GLCCI1: variants seen among roughly 807,000 people sequenced by gnomAD.
GLCCI1 encodes the protein glucocorticoid induced 1.
A neutral mutation model predicts 52.2 loss-of-function variants in GLCCI1; 24 were observed. The observed-to-expected ratio is 0.46, with a 90% CI of 0.33 to 0.65. The LOEUF is 0.65. Ranked by LOEUF, GLCCI1 falls within the 30% of genes least tolerant of loss-of-function variation. The pLI, the probability that GLCCI1 is intolerant of heterozygous loss-of-function variation, is 0.02. For synonymous variants in GLCCI1, 310 were observed against 276.5 expected (o/e 1.12, Z -1.20); for missense variants, 704 against 701.5 (o/e 1.00, Z -0.04).
chr7:8,029,889 A>C (rs1321916681), intron 3 of GLCCI1, among the ~76,000 whole-genome samples: 1 of 152,196 alleles, frequency 6.6e-6, no homozygotes, highest in Non-Finnish European at 1.5e-5. Flanking sequence ...CACTGATGAA[A>C]GAAATTGAAG....
At chr7:7,992,808 G>C (rs111474683) in intron 1 of GLCCI1, among the ~76,000 whole-genome samples, 8 of 151,304 alleles carry the variant, frequency 5.3e-5, no homozygotes, top group Non-Finnish European at 7.4e-5. Context: ...TCCTATTTCT[G>C]TTAAGGCATT....
intron 6 of GLCCI1, among the ~76,000 whole-genome samples, chr7:8,072,997 A>G (rs1782796767): frequency 1.3e-5 from 2 of 152,170 alleles, no homozygotes; most frequent in African/African-American, 4.8e-5. Flanking sequence ...CATAAGTTTC[A>G]AACAGTGCAT....
intron 6 of GLCCI1, among the ~76,000 whole-genome samples, chr7:8,082,559 C>G (rs998992351): frequency 2.0e-5 from 3 of 152,046 alleles, no homozygotes; most frequent in African/African-American, 7.2e-5. Context: ...TTCTTACAAG[C>G]TTTGCCTTTC....
At chr7:7,975,539 A>G (rs755307569) in intron 1 of GLCCI1, among the ~76,000 whole-genome samples, 6 of 152,218 alleles carry the variant, frequency 3.9e-5, no homozygotes, top group Non-Finnish European at 7.4e-5. Flanking sequence ...TCCTAACTCA[A>G]AAAGACTCTA....
chr7:8,011,904 C>T (rs896668704), intron 2 of GLCCI1, among the ~76,000 whole-genome samples: 1 of 151,940 alleles, frequency 6.6e-6, no homozygotes. Context: ...CAAGCTCTGC[C>T]TCCCGGGTTC....
intron 3 of GLCCI1, among the ~76,000 whole-genome samples, chr7:8,025,692 CAA>C (rs773955328): frequency 2.6e-5 from 4 of 151,996 alleles, no homozygotes; most frequent in Non-Finnish European, 4.4e-5. Flanking sequence ...TAGGAAAACA[CAA>C]AGAGAGCCAT....
chr7:8,078,004 G>A (rs939727215), intron 6 of GLCCI1, among the ~76,000 whole-genome samples: 1 of 152,078 alleles, frequency 6.6e-6, no homozygotes, highest in Non-Finnish European at 1.5e-5. Flanking sequence ...GGAGGCCAAG[G>A]CAGGCGGATA....
chr7:8,006,483 T>G (rs1781152505), intron 2 of GLCCI1, among the ~76,000 whole-genome samples: 1 of 152,168 alleles, frequency 6.6e-6, no homozygotes, highest in East Asian at 1.9e-4. Flanking sequence ...TATTACTGTG[T>G]GATTAAGTAT....
intron 3 of GLCCI1, among the ~76,000 whole-genome samples, chr7:8,040,556 A>G (rs887554986): frequency 1.3e-5 from 2 of 150,618 alleles, no homozygotes; most frequent in Non-Finnish European, 2.9e-5. Context: ...ACACACACAC[A>G]CACACCAATG....
At chr7:8,046,048 G>A (rs1429806985) in intron 3 of GLCCI1, among the ~76,000 whole-genome samples, 2 of 152,016 alleles carry the variant, frequency 1.3e-5, no homozygotes, top group Admixed American at 1.3e-4. Flanking sequence ...AGAACAGGTG[G>A]AATGAAAAGG....
chr7:7,981,888 TCA>T, intron 1 of GLCCI1: 1 of 464,562 alleles, frequency 2.2e-6, no homozygotes, highest in South Asian at 1.5e-5. Flanking sequence ...GTCAAGTCAC[TCA>T]CACACAAGTA....
At chr7:7,986,177 C>T (rs1780725035) in intron 1 of GLCCI1, among the ~76,000 whole-genome samples, 1 of 152,142 alleles carries the variant, frequency 6.6e-6, no homozygotes. Context: ...ATCATACTCT[C>T]TTAGTACAGG....
In GLCCI1 at chr7:7,969,313, C is replaced by A. The variant is rs1259346493; in HGVS notation, c.-38C>A. 5.7e-6 allele frequency: 8 copies of A among 1,403,350 alleles called. No individual in the cohort carries two copies. Among genetic ancestry groups the A allele is most frequent in the Middle Eastern group, 2.4e-4 (1 of 4,166 alleles). The allele number at this position is 1,403,350 out of a possible 1,614,324, so 86.9% of individuals were successfully genotyped here. A position where few individuals can be genotyped will look rare whatever the true frequency, so the allele number is the denominator to read the frequency against. ...TCGCGCGCCTCCCGCCCCGCGCCTCCGTGTCGGCCGGCGGCGTCCAGGGCC... is the reference window on the plus strand; with the variant it reads ...TCGCGCGCCTCCCGCCCCGCGCCTCAGTGTCGGCCGGCGGCGTCCAGGGCC... On this transcript the variant is annotated 5_prime_UTR_variant, in exon 1 of 8. Coordinates refer to ENST00000223145, the MANE Select transcript of GLCCI1 (RefSeq NM_138426.4). The surrounding 1 kb of genome is among the most constrained non-coding windows in gnomAD (Gnocchi z 4.9).
intron 3 of GLCCI1, among the ~76,000 whole-genome samples, chr7:8,034,871 C>G (rs142712859): frequency 3.2e-4 from 49 of 152,300 alleles, no homozygotes; most frequent in East Asian, 3.1e-3. Context: ...CCTTATGAAC[C>G]CAAACACTGG....
At chr7:8,061,657 CTTTTTTTTTTTT>C (rs61377819) in intron 5 of GLCCI1, among the ~76,000 whole-genome samples, 7 of 78,380 alleles carry the variant, frequency 8.9e-5, no homozygotes, top group African/African-American at 3.9e-4. Flanking sequence ...CCATTGAACT[CTTTTTTTTTTTT>C]TTTTTTTTTT....
In GLCCI1 at chr7:8,086,682, G is replaced by C. The variant is rs1012408847; in HGVS notation, c.*144G>C. The C allele has an allele frequency of 2.1e-5, 15 of 699,712 alleles. No individual in the cohort carries two copies. In the African/African-American group the frequency reaches 2.3e-4, roughly 11 times the overall value. 43.3% of individuals were successfully genotyped at this position (699,712 alleles called of 1,614,324 possible). A position where few individuals can be genotyped will look rare whatever the true frequency, so the allele number is the denominator to read the frequency against. On this transcript the variant is annotated 3_prime_UTR_variant, in exon 8 of 8. Transcript: ENST00000223145. This position sits in a 1 kb window ranked among gnomAD's most constrained non-coding sequence, Gnocchi z 4.4. ...AAAGTATCTCTTAAACACTGATCTT[G>C]GCAGGGACGGAACTCCTATTCAGCA...
intron 1 of GLCCI1, among the ~76,000 whole-genome samples, chr7:8,002,246 A>G (rs1781063981): frequency 6.6e-6 from 1 of 151,048 alleles, no homozygotes; most frequent in Non-Finnish European, 1.5e-5. Context: ...TGTAACAGAT[A>G]AAACTGATAA....
intron 1 of GLCCI1, chr7:7,981,382 G>T (rs896082195): frequency 8.9e-6 from 2 of 224,576 alleles, no homozygotes; most frequent in Non-Finnish European, 1.7e-5. Flanking sequence ...GAGTGCAGTG[G>T]CACGATCTCG....
intron 1 of GLCCI1, among the ~76,000 whole-genome samples, chr7:7,994,178 T>C (rs1426751739): frequency 6.6e-6 from 1 of 152,138 alleles, no homozygotes; most frequent in East Asian, 1.9e-4. Context: ...CACTTGAATC[T>C]GGGAGGCAGA....
Sources: gnomAD v4.1 joint callset for allele counts (sites outside exome capture counted in the v4.1 genomes callset) on GRCh38, gnomAD v4.1.1 for gene constraint, Gnocchi (gnomAD v3.1) non-coding constraint, MANE v1.5 for transcripts, NCBI Gene and HGNC (gene_info 2026-07-23, HGNC 2026-07-21) for gene names.